The following PCDHAC2 variants were observed in gnomAD, a reference collection of about 807,000 sequenced individuals.
The protein encoded by PCDHAC2 is protocadherin alpha-C2.
PCDHAC2 carries 24 observed loss-of-function variants against 63.3 expected under a neutral mutation model. The observed-to-expected ratio is 0.38, with a 90% CI of 0.27 to 0.53. PCDHAC2 has a LOEUF of 0.53. Ranked by LOEUF, PCDHAC2 falls within the 20% of genes least tolerant of loss-of-function variation. PCDHAC2 has a pLI of 0.81. For synonymous variants in PCDHAC2, 569 were observed against 529.4 expected, an observed-to-expected ratio of 1.07 and a Z score of -1.03; for missense variants, 1,181 against 1,275.2, an observed-to-expected ratio of 0.93 and a Z score of 1.12.
At chr5:140,983,885 T>C (rs74936593) in intron 3 of PCDHAC2, among the ~76,000 whole-genome samples, 2,965 of 152,290 alleles carry the variant, frequency 0.019, 72 homozygotes, top group African/African-American at 0.056. Flanking sequence ...ACTGGCAACT[T>C]TAAGGGCATT....
intron 3 of PCDHAC2, among the ~76,000 whole-genome samples, chr5:140,993,449 CCTT>C (rs1214858534): frequency 1.4e-5 from 2 of 144,318 alleles, no homozygotes; most frequent in Non-Finnish European, 1.5e-5. Flanking sequence ...TTCCTGTTCT[CCTT>C]CTTTCTTTCT....
In PCDHAC2 at chr5:141,010,293, GC is replaced by G; in HGVS notation, c.*357del. The G allele has an allele frequency of 6.5e-7, 1 of 1,549,794 alleles. No individual in the cohort carries two copies. The highest frequency in any genetic ancestry group is 8.7e-7 in the Non-Finnish European group (1 of 1,146,454). On this transcript the variant is annotated 3_prime_UTR_variant, in exon 4 of 4. Transcript: ENST00000289269. ...ATCCTGTCTTGATGACACTTGCAGG[GC>G]AGGCTGAAAAGTTTTGAGATTGAGC...
intron 3 of PCDHAC2, among the ~76,000 whole-genome samples, chr5:140,987,130 C>G (rs1220504537): frequency 6.6e-6 from 1 of 151,648 alleles, no homozygotes; most frequent in East Asian, 1.9e-4. Context: ...AGGAGAATTG[C>G]TTGAACTCGG....
At chr5:140,972,622 T>C (rs1554234253) in intron 1 of PCDHAC2, among the ~76,000 whole-genome samples, 1 of 151,940 alleles carries the variant, frequency 6.6e-6, no homozygotes, top group African/African-American at 2.4e-5. Flanking sequence ...CTGAATGTTG[T>C]TGGCACTCCC....
At chr5:141,001,978 A>G (rs1331599524) in intron 3 of PCDHAC2, among the ~76,000 whole-genome samples, 1 of 152,166 alleles carries the variant, frequency 6.6e-6, no homozygotes, top group Non-Finnish European at 1.5e-5. Context: ...TCTGCGCGGA[A>G]AGCCTGGAAG....
intron 3 of PCDHAC2, among the ~76,000 whole-genome samples, chr5:141,008,523 C>A (rs2098380908): frequency 6.6e-6 from 1 of 152,182 alleles, no homozygotes; most frequent in Admixed American, 6.5e-5. Context: ...CAATCAGACT[C>A]TTGGGAATGT....
chr5:140,990,611 G>T lies in PCDHAC2; in HGVS notation c.2713+8048G>T, dbSNP rs577900189. ...AATCACCTGGAGTCAGATGAATACCGTAAAGGTCTGTGGTAAGACTAGAAG... is the reference window on the plus strand; with the variant it reads ...AATCACCTGGAGTCAGATGAATACCTTAAAGGTCTGTGGTAAGACTAGAAG... On this transcript the variant is annotated intron_variant, in intron 3 of 3. Transcript: ENST00000289269. 5.3e-5 allele frequency among the ~76,000 whole-genome samples: 8 copies of T among 152,230 alleles called. No homozygotes were observed. In the East Asian group the frequency reaches 9.6e-4, roughly 18 times the overall value.
chr5:140,969,328 T>C lies in PCDHAC2; in HGVS notation c.2562T>C (p.Asn854=), dbSNP rs2096319778. ...TCAAAAATGAGGCTGTTTCTCAAAATGAGGTGAGACAGTGGTCAGGGGGTC... is the reference window on the plus strand; with the variant it reads ...TCAAAAATGAGGCTGTTTCTCAAAACGAGGTGAGACAGTGGTCAGGGGGTC... ...IILKNEAVSQ[N]EPRQPNPDWR... The change falls in exon 1 of 4, where the codon AAT becomes AAC. Residue 854 remains asparagine (N), a synonymous_variant. Transcript: ENST00000289269. The C allele has an allele frequency of 1.2e-6, 2 of 1,614,124 alleles. No homozygotes were observed. The highest frequency in any genetic ancestry group is 1.7e-5 in the Admixed American group (1 of 60,010).
chr5:140,987,207 C>A (rs1475441121), intron 3 of PCDHAC2, among the ~76,000 whole-genome samples: 1 of 148,672 alleles, frequency 6.7e-6, no homozygotes, highest in African/African-American at 2.5e-5. Context: ...GAGTGAGACT[C>A]CATCTCAAAA....
chr5:140,976,023 A>C (rs907977893), intron 1 of PCDHAC2, among the ~76,000 whole-genome samples: 1 of 152,206 alleles, frequency 6.6e-6, no homozygotes, highest in Non-Finnish European at 1.5e-5. Flanking sequence ...AAATAATCAC[A>C]GTTATTTCAA....
intron 3 of PCDHAC2, among the ~76,000 whole-genome samples, chr5:141,001,306 A>C (rs1554258083): frequency 6.6e-6 from 1 of 152,174 alleles, no homozygotes; most frequent in African/African-American, 2.4e-5. Context: ...CAGAGATATG[A>C]AATAATTTGC....
chr5:140,988,206 G>GA (rs200168674), intron 3 of PCDHAC2, among the ~76,000 whole-genome samples: 41 of 150,634 alleles, frequency 2.7e-4, no homozygotes, highest in Admixed American at 4.6e-4. Flanking sequence ...TCCTTATTAG[G>GA]AAAAAAAAAT....
Position 140,968,635 on chromosome 5 carries a change from T to C in PCDHAC2, c.1869T>C (p.His623=). The part of the protein sequence containing the change: ...DSGQNAWLFY[H]LAQTSDLDLF... ...GGCAAAATGCTTGGCTTTTTTACCA[T>C]CTAGCCCAGACTTCTGACCTGGACC... is the stretch of plus-strand genomic sequence containing the variant. Residue 623 remains histidine (H), a synonymous_variant, in exon 1 of 4, where the codon CAT becomes CAC. Transcript: ENST00000289269. 1 of 1,614,190 alleles carries C rather than the reference T, an allele frequency of 6.2e-7. No individual in the cohort carries two copies. Among genetic ancestry groups the C allele is most frequent in the East Asian group, 2.2e-5 (1 of 44,872 alleles).
intron 1 of PCDHAC2, among the ~76,000 whole-genome samples, chr5:140,973,337 G>T (rs2096582330): frequency 6.6e-6 from 1 of 152,162 alleles, no homozygotes; most frequent in African/African-American, 2.4e-5. Flanking sequence ...TCGTTGTAAA[G>T]TGACATAGTA....
intron 3 of PCDHAC2, among the ~76,000 whole-genome samples, chr5:141,008,882 A>G (rs2098393885): frequency 6.6e-6 from 1 of 152,170 alleles, no homozygotes; most frequent in Non-Finnish European, 1.5e-5. Flanking sequence ...ACCACCCTTC[A>G]ATGTTATTAC....
Position 141,010,456 on chromosome 5 carries a change from TATC to T in PCDHAC2, c.*521_*523del. The T allele has an allele frequency of 1.1e-6, 1 of 877,088 alleles. No individual in the cohort carries two copies. The highest frequency in any genetic ancestry group is 3.0e-5 in the Admixed American group (1 of 33,582). The allele number at this position is 877,088 out of a possible 1,614,324, so 54.3% of individuals were successfully genotyped here. On this transcript the variant is annotated 3_prime_UTR_variant, in exon 4 of 4. Transcript: ENST00000289269. ...ACAAAGACAAATAAACAGCGGAAGT[TATC>T]AGTATGGAGGGGAAGTGTAAACTTA... is the stretch of plus-strand genomic sequence containing the variant.
intron 3 of PCDHAC2, among the ~76,000 whole-genome samples, chr5:140,984,534 G>C (rs1261585417): frequency 6.6e-6 from 1 of 152,136 alleles, no homozygotes; most frequent in Non-Finnish European, 1.5e-5. Context: ...TTCATGGACT[G>C]TGCTGGATAG....
chr5:140,968,719 G>C lies in PCDHAC2; in HGVS notation c.1953G>C (p.Glu651Asp). The C allele has an allele frequency of 1.9e-6, 3 of 1,614,148 alleles. No homozygotes were observed. Among genetic ancestry groups the C allele is most frequent in the African/African-American group, 1.3e-5 (1 of 75,038 alleles). ...EIRTTRKMGD[E>D]SGSTFNLTVV... ...GGACTACCAGGAAGATGGGAGATGA[G>C]AGTGGTAGCACTTTCAACCTGACCG... The change falls in exon 1 of 4, where the codon GAG (glutamate) becomes GAC (aspartate). Residue 651 changes from glutamate (E) to aspartate (D), a missense_variant. Transcript: ENST00000289269.
At chr5:140,999,400 A>G (rs1331954466) in intron 3 of PCDHAC2, among the ~76,000 whole-genome samples, 2 of 152,150 alleles carry the variant, frequency 1.3e-5, no homozygotes, top group Admixed American at 6.5e-5. Flanking sequence ...TGTTTTGCAT[A>G]TGAAAGAATG....
Sources: gnomAD v4.1 joint callset for allele counts (sites outside exome capture counted in the v4.1 genomes callset) on GRCh38, gnomAD v4.1.1 for gene constraint, MANE v1.5 for transcripts, NCBI Gene and HGNC (gene_info 2026-07-23, HGNC 2026-07-21) for gene names.